The following GPC6 variants were observed in gnomAD, a reference collection of about 807,000 sequenced individuals.
GPC6 encodes glypican 6, also known as glypican-6.
Under a neutral mutation model 55.2 loss-of-function variants are expected in GPC6, and 14 were observed. That is an observed-to-expected ratio of 0.25 (90% CI 0.17 to 0.40). The LOEUF (loss-of-function observed/expected upper bound fraction) is 0.40, where lower values mean the gene tolerates loss of function less well. Ranked by LOEUF, GPC6 falls within the 10% of genes least tolerant of loss-of-function variation. The pLI is 1.00. For missense variants in GPC6, 641 were observed against 708.5 expected, an observed-to-expected ratio of 0.90 and a Z score of 1.08; for synonymous variants, 278 against 259.6, an observed-to-expected ratio of 1.07 and a Z score of -0.68.
At chr13:94,393,973 T>G (rs2139222373) in intron 7 of GPC6, among the ~76,000 whole-genome samples, 1 of 152,250 alleles carries the variant, frequency 6.6e-6, no homozygotes, top group Middle Eastern at 3.4e-3. Flanking sequence ...GCTGGGAAAC[T>G]TCTGTGGGGA....
At chr13:94,283,213 T>A (rs1052173228) in intron 4 of GPC6, among the ~76,000 whole-genome samples, 3 of 152,242 alleles carry the variant, frequency 2.0e-5, no homozygotes, top group African/African-American at 7.2e-5. Context: ...TTATAAAAGC[T>A]AAGCTTTGTT....
chr13:93,485,386 C>A (rs1172484597), intron 1 of GPC6, among the ~76,000 whole-genome samples: 1 of 152,090 alleles, frequency 6.6e-6, no homozygotes, highest in Non-Finnish European at 1.5e-5. Context: ...TTGGGAGGAT[C>A]CCATTAGATC....
At chr13:93,996,960 G>A (rs1447697705) in intron 3 of GPC6, among the ~76,000 whole-genome samples, 3 of 152,090 alleles carry the variant, frequency 2.0e-5, no homozygotes, top group Admixed American at 2.0e-4. Flanking sequence ...TGTTGGTGAA[G>A]CACAATTACC....
chr13:93,613,234 T>C (rs1411316269), intron 2 of GPC6, among the ~76,000 whole-genome samples: 1 of 152,122 alleles, frequency 6.6e-6, no homozygotes, highest in East Asian at 1.9e-4. Context: ...ACTGCAAACA[T>C]TGCATAAAGA....
chr13:93,368,105 C>T (rs928797871), intron 1 of GPC6, among the ~76,000 whole-genome samples: 1 of 152,042 alleles, frequency 6.6e-6, no homozygotes, highest in Non-Finnish European at 1.5e-5. Context: ...TTTTGTAGCT[C>T]TGTTTTTTGT....
intron 5 of GPC6, among the ~76,000 whole-genome samples, chr13:94,299,368 T>G (rs915453996): frequency 2.0e-5 from 3 of 152,218 alleles, no homozygotes; most frequent in African/African-American, 2.4e-5. Context: ...GGAGAAAGAT[T>G]AATATTAACA....
At chr13:94,100,069 T>C (rs1185250960) in intron 4 of GPC6, among the ~76,000 whole-genome samples, 2 of 152,150 alleles carry the variant, frequency 1.3e-5, no homozygotes, top group African/African-American at 2.4e-5. Flanking sequence ...GGTTTACCTA[T>C]GTAATAAACC....
At chr13:93,785,392 T>G (rs1377727535) in intron 2 of GPC6, among the ~76,000 whole-genome samples, 1 of 152,188 alleles carries the variant, frequency 6.6e-6, no homozygotes, top group African/African-American at 2.4e-5. Flanking sequence ...GTAATTATCA[T>G]CTGGGAAATT....
chr13:93,773,295 A>T (rs769069708), intron 2 of GPC6, among the ~76,000 whole-genome samples: 7 of 152,172 alleles, frequency 4.6e-5, no homozygotes, highest in Non-Finnish European at 8.8e-5. Flanking sequence ...AACTTTACGT[A>T]TAAATTAAAT....
chr13:93,911,406 CTG>C (rs10566353), intron 3 of GPC6, among the ~76,000 whole-genome samples: 46,115 of 149,790 alleles, frequency 0.31, 7,508 homozygotes, highest in South Asian at 0.42. Context: ...AGATAATTGA[CTG>C]TGTGTGTGTG....
rs189137677 is a variant in GPC6, at chr13:93,395,275, A to C, written c.161-149988A>C. 8.2e-6 allele frequency: 4 copies of C among 490,220 alleles called. No individual in the cohort carries two copies. In the East Asian group the frequency reaches 1.9e-4, roughly 23 times the overall value. The allele number at this position is 490,220 out of a possible 1,614,324, so 30.4% of individuals were successfully genotyped here. A position where few individuals can be genotyped will look rare whatever the true frequency, so the allele number is the denominator to read the frequency against. Reference sequence around the variant, plus strand: ...AACCACCACTAAAGTTTCCAGAACCACTTTGACCTCTTTGGCTGGATGAAG... The same window carrying C: ...AACCACCACTAAAGTTTCCAGAACCCCTTTGACCTCTTTGGCTGGATGAAG... On this transcript the variant is annotated intron_variant, in intron 1 of 8. Coordinates refer to ENST00000377047, the MANE Select transcript of GPC6 (RefSeq NM_005708.5).
At chr13:93,502,785 G>A (rs1409906459) in intron 1 of GPC6, among the ~76,000 whole-genome samples, 1 of 152,068 alleles carries the variant, frequency 6.6e-6, no homozygotes, top group Admixed American at 6.6e-5. Context: ...TTTCCATGGG[G>A]TAAATGCTCC....
intron 3 of GPC6, among the ~76,000 whole-genome samples, chr13:93,850,968 A>G (rs1384728729): frequency 6.6e-6 from 1 of 151,962 alleles, no homozygotes; most frequent in African/African-American, 2.4e-5. Flanking sequence ...CAATTAATGC[A>G]CTAGCAGTTA....
chr13:93,899,668 G>A (rs890102247), intron 3 of GPC6, among the ~76,000 whole-genome samples: 3 of 152,084 alleles, frequency 2.0e-5, no homozygotes, highest in Admixed American at 6.6e-5. Flanking sequence ...AGAAGCACTC[G>A]TAAACGACAT....
chr13:93,993,282 G>A (rs959681412), intron 3 of GPC6, among the ~76,000 whole-genome samples: 3 of 150,704 alleles, frequency 2.0e-5, no homozygotes, highest in Non-Finnish European at 3.0e-5. Flanking sequence ...TAATTCATGA[G>A]CATTCTTTCT....
At chr13:93,433,826 C>T (rs1877463572) in intron 1 of GPC6, among the ~76,000 whole-genome samples, 1 of 151,994 alleles carries the variant, frequency 6.6e-6, no homozygotes, top group South Asian at 2.1e-4. Flanking sequence ...GATTATAGGA[C>T]ATGAATTTTT....
intron 2 of GPC6, among the ~76,000 whole-genome samples, chr13:93,729,242 T>C (rs1247996183): frequency 3.3e-5 from 5 of 152,138 alleles, no homozygotes; most frequent in Non-Finnish European, 5.9e-5. Context: ...TACAAGGACA[T>C]TGAGATTCTA....
chr13:93,299,053 T>C (rs533293898), intron 1 of GPC6, among the ~76,000 whole-genome samples: 5 of 152,202 alleles, frequency 3.3e-5, no homozygotes, highest in Non-Finnish European at 5.9e-5. Context: ...TAAAGATTTA[T>C]TGAATACATG....
At position 93,903,786 on chromosome 13, in the gene GPC6, C is replaced by T. The variant is rs749942407; in HGVS notation, c.711+73241C>T. Among the ~76,000 whole-genome samples the T allele has an allele frequency of 3.3e-5, 5 of 151,966 alleles. No individual in the cohort carries two copies. In the East Asian group the frequency reaches 5.8e-4, roughly 18 times the overall value. On this transcript the variant is annotated intron_variant, in intron 3 of 8. Coordinates refer to ENST00000377047, the MANE Select transcript of GPC6 (RefSeq NM_005708.5). ...TGTATGCCGTCTAGTCTCCCCACCCCGCCCCAACTGTTTTTAAAATCCTAC... is the reference window on the plus strand; with the variant it reads ...TGTATGCCGTCTAGTCTCCCCACCCTGCCCCAACTGTTTTTAAAATCCTAC...
Sources: gnomAD v4.1 joint callset for allele counts (sites outside exome capture counted in the v4.1 genomes callset) on GRCh38, gnomAD v4.1.1 for gene constraint, MANE v1.5 for transcripts, NCBI Gene and HGNC (gene_info 2026-07-23, HGNC 2026-07-21) for gene names.